RAP1GDS1: variants seen among roughly 807,000 people sequenced by gnomAD.
RAP1GDS1 encodes the protein Rap1 GTPase-GDP dissociation stimulator 1.
In RAP1GDS1, 35 loss-of-function variants were observed where a neutral mutation model predicts 71.1. That is an observed-to-expected ratio of 0.49 (90% CI 0.38 to 0.65). RAP1GDS1 has a LOEUF of 0.65. RAP1GDS1 is among the 30% of genes least tolerant of loss of function. RAP1GDS1 has a pLI of 0.00. For missense variants in RAP1GDS1, 663 were observed against 706.1 expected, an observed-to-expected ratio of 0.94 and a Z score of 0.69; for synonymous variants, 229 against 243.1, an observed-to-expected ratio of 0.94 and a Z score of 0.54.
chr4:98,355,414 A>AT (rs1343010849), intron 4 of RAP1GDS1, among the ~76,000 whole-genome samples: 7 of 152,136 alleles, frequency 4.6e-5, no homozygotes, highest in South Asian at 4.1e-4. Flanking sequence ...CAAATGAATA[A>AT]TTTTTTTAAC....
chr4:98,361,226 CAT>C (rs763237174), intron 4 of RAP1GDS1, among the ~76,000 whole-genome samples: 2 of 151,096 alleles, frequency 1.3e-5, no homozygotes, highest in Non-Finnish European at 2.9e-5. Context: ...TATATATATA[CAT>C]ATATATATAG....
chr4:98,347,547 T>G (rs181630478), intron 3 of RAP1GDS1, among the ~76,000 whole-genome samples: 39 of 152,344 alleles, frequency 2.6e-4, no homozygotes, highest in African/African-American at 9.4e-4. Flanking sequence ...TTCTATGTTG[T>G]GTAGGCAAAT....
intron 4 of RAP1GDS1, among the ~76,000 whole-genome samples, chr4:98,356,730 G>A (rs1044774855): frequency 7.2e-5 from 11 of 152,084 alleles, no homozygotes; most frequent in African/African-American, 2.6e-4. Context: ...AAGCTTATAT[G>A]ATATGCTATC....
intron 2 of RAP1GDS1, among the ~76,000 whole-genome samples, chr4:98,297,511 A>G (rs189885750): frequency 6.6e-6 from 1 of 152,252 alleles, no homozygotes; most frequent in Admixed American, 6.5e-5. Context: ...CATTTCAGAC[A>G]TTATTATTAT....
At chr4:98,280,281 A>G (rs1422114229) in intron 1 of RAP1GDS1, among the ~76,000 whole-genome samples, 3 of 152,118 alleles carry the variant, frequency 2.0e-5, no homozygotes, top group African/African-American at 4.8e-5. Context: ...TTATTTCCTG[A>G]CTTTTTAATG....
chr4:98,401,970 C>T (rs1745477778), intron 6 of RAP1GDS1, among the ~76,000 whole-genome samples: 1 of 152,108 alleles, frequency 6.6e-6, no homozygotes, highest in Admixed American at 6.6e-5. Context: ...TATACTTTAC[C>T]TATGATTTTA....
chr4:98,413,323 A>G (rs1447698092), intron 7 of RAP1GDS1, among the ~76,000 whole-genome samples: 1 of 151,550 alleles, frequency 6.6e-6, no homozygotes, highest in Non-Finnish European at 1.5e-5. Flanking sequence ...GCACCCACTA[A>G]CTCGTCATCT....
chr4:98,305,252 A>G (rs1177998709), intron 2 of RAP1GDS1, among the ~76,000 whole-genome samples: 1 of 152,148 alleles, frequency 6.6e-6, no homozygotes, highest in African/African-American at 2.4e-5. Flanking sequence ...TTTATAAATT[A>G]CTTTGGGCAG....
intron 4 of RAP1GDS1, among the ~76,000 whole-genome samples, chr4:98,355,799 C>A (rs1045008747): frequency 1.3e-5 from 2 of 152,086 alleles, no homozygotes; most frequent in Non-Finnish European, 2.9e-5. Context: ...AGAAAACGGC[C>A]TTATATAATC....
chr4:98,295,549 GTAT>G (rs1373602297), intron 2 of RAP1GDS1, among the ~76,000 whole-genome samples: 1 of 152,002 alleles, frequency 6.6e-6, no homozygotes, highest in Non-Finnish European at 1.5e-5. Context: ...CATGAGGTAG[GTAT>G]TATTATCACC....
chr4:98,414,067 T>G (rs1747523022), intron 7 of RAP1GDS1, among the ~76,000 whole-genome samples: 1 of 151,852 alleles, frequency 6.6e-6, no homozygotes, highest in Non-Finnish European at 1.5e-5. Flanking sequence ...GATGGGGTTG[T>G]TTTTTTCTTG....
At chr4:98,336,877 TTTTTGTTTTG>T (rs561336006) in intron 2 of RAP1GDS1, among the ~76,000 whole-genome samples, 1 of 151,866 alleles carries the variant, frequency 6.6e-6, no homozygotes, top group Non-Finnish European at 1.5e-5. Flanking sequence ...TTCTGGGTTT[TTTTTGTTTTG>T]TTTTGTTTTG....
rs188719454 is a variant in RAP1GDS1, at chr4:98,368,867, C to T, written c.362-10150C>T. On this transcript the variant is annotated intron_variant, in intron 4 of 14. Coordinates refer to ENST00000408927, the MANE Select transcript of RAP1GDS1 (RefSeq NM_001100427.2). ...GCATGTACTGAAGTCCTCTTATTCA[C>T]TCAGGAATACATTCATTCTTTTAAG... Among the ~76,000 whole-genome samples, 184 of 152,262 alleles carry T rather than the reference C, an allele frequency of 1.2e-3. 2 individuals carry two copies. The highest frequency in any genetic ancestry group is 4.0e-3 in the African/African-American group (168 of 41,570).
chr4:98,318,960 G>A (rs879867839), intron 2 of RAP1GDS1, among the ~76,000 whole-genome samples: 9 of 152,162 alleles, frequency 5.9e-5, no homozygotes, highest in Non-Finnish European at 8.8e-5. Flanking sequence ...TAAAACTGCT[G>A]ATAAGGGGCA....
At chr4:98,413,526 A>G (rs1747412379) in intron 7 of RAP1GDS1, among the ~76,000 whole-genome samples, 1 of 152,212 alleles carries the variant, frequency 6.6e-6, no homozygotes, top group East Asian at 1.9e-4. Context: ...AATTTCATCC[A>G]TGTCACTACA....
intron 2 of RAP1GDS1, among the ~76,000 whole-genome samples, chr4:98,318,502 C>G (rs1176620664): frequency 6.6e-6 from 1 of 152,192 alleles, no homozygotes; most frequent in African/African-American, 2.4e-5. Flanking sequence ...TCTCAAAATA[C>G]TTTATTGTAC....
intron 1 of RAP1GDS1, among the ~76,000 whole-genome samples, chr4:98,280,749 C>T: frequency 6.6e-6 from 1 of 152,176 alleles, no homozygotes; most frequent in East Asian, 1.9e-4. Flanking sequence ...TTAGGTCTAA[C>T]ATTTAAGTCT....
At chr4:98,263,025 T>C (rs564069329) in intron 1 of RAP1GDS1, among the ~76,000 whole-genome samples, 1 of 152,368 alleles carries the variant, frequency 6.6e-6, no homozygotes, top group East Asian at 1.9e-4. Flanking sequence ...CGTGTCTGCC[T>C]TTCTCTTAAA....
chr4:98,415,081 A>G (rs1447505944), intron 7 of RAP1GDS1, among the ~76,000 whole-genome samples: 3 of 152,156 alleles, frequency 2.0e-5, no homozygotes, highest in African/African-American at 7.2e-5. Flanking sequence ...TCCCCAGGGT[A>G]TTATTAATAT....
Sources: allele counts gnomAD v4.1 joint callset (sites outside exome capture counted in the v4.1 genomes callset), GRCh38; gene constraint gnomAD v4.1.1; transcripts MANE v1.5; gene names NCBI Gene and HGNC (gene_info 2026-07-23, HGNC 2026-07-21).